The following DISC1 variants were observed in gnomAD, a reference collection of about 807,000 sequenced individuals.
DISC1 encodes disrupted in schizophrenia 1 protein.
A neutral mutation model predicts 84.5 loss-of-function variants in DISC1; 57 were observed. The observed-to-expected ratio is 0.67, with a 90% CI of 0.55 to 0.84. The LOEUF is 0.84. DISC1 is among the 40% of genes least tolerant of loss of function. The pLI, the probability that DISC1 is intolerant of heterozygous loss-of-function variation, is 0.00. For missense variants in DISC1, 1,000 were observed against 1,057.8 expected, an observed-to-expected ratio of 0.95 and a Z score of 0.76; for synonymous variants, 411 against 415.2, an observed-to-expected ratio of 0.99 and a Z score of 0.12.
At chr1:231,673,681 A>G (rs375510515) in intron 1 of DISC1, among the ~76,000 whole-genome samples, 137 of 152,332 alleles carry the variant, frequency 9.0e-4, no homozygotes, top group African/African-American at 3.2e-3. Flanking sequence ...ACTTGGAAAG[A>G]TTTGAAGAAC....
At chr1:231,670,327 C>A (rs1362185320) in intron 1 of DISC1, among the ~76,000 whole-genome samples, 2 of 152,128 alleles carry the variant, frequency 1.3e-5, no homozygotes, top group Admixed American at 6.5e-5. Flanking sequence ...AGTTTACCTA[C>A]ATGCCCCTGA....
At position 231,693,862 on chromosome 1, in the gene DISC1, G is replaced by T; in HGVS notation, c.104G>T (p.Arg35Leu). The change falls in exon 2 of 13, where the codon CGG becomes CTG. Residue 35 changes from arginine (R) to leucine (L), a missense_variant. Physicochemically the swap from Arg to Leu is moderately radical, Grantham distance 102 (BLOSUM62 -2). Transcript: ENST00000439617. ...TGCTTACCACCTGCAGCGTGCTTTC[G>T]GAGGCGGCGGCTGGCACGGAGGCCG... Reference protein sequence around the residue: ...RDCLPPAACFRRRRLARRPGY... With the variant: ...RDCLPPAACFLRRRLARRPGY... 1 of 1,613,954 alleles carries T rather than the reference G, an allele frequency of 6.2e-7. No individual in the cohort carries two copies. Among genetic ancestry groups the T allele is most frequent in the Non-Finnish European group, 8.5e-7 (1 of 1,180,014 alleles).
At chr1:231,727,812 G>T (rs2070942013) in intron 3 of DISC1, among the ~76,000 whole-genome samples, 1 of 151,924 alleles carries the variant, frequency 6.6e-6, no homozygotes, top group Admixed American at 6.6e-5. Context: ...GCCTGGTGTG[G>T]TGGTGGGTCA....
At position 231,782,881 on chromosome 1, in the gene DISC1, G is replaced by T. The variant is rs148036493; in HGVS notation, c.1634+11811G>T. On this transcript the variant is annotated intron_variant, in intron 6 of 12. Coordinates refer to ENST00000439617, the MANE Select transcript of DISC1 (RefSeq NM_018662.3). ...CACTTGAACATGGGAGGTGGAGGTT[G>T]CAGTGAGTGGAGATCGTGTCACTCT... Among the ~76,000 whole-genome samples the T allele has an allele frequency of 4.6e-3, 708 of 152,266 alleles. 4 individuals carry two copies. The highest frequency in any genetic ancestry group is 0.017 in the African/African-American group (694 of 41,542).
At chr1:231,901,340 T>G (rs16855577) in intron 9 of DISC1, among the ~76,000 whole-genome samples, 2,407 of 152,326 alleles carry the variant, frequency 0.016, 76 homozygotes, top group African/African-American at 0.056. Context: ...AATTTAATTT[T>G]AGAACATTCT....
intron 1 of DISC1, among the ~76,000 whole-genome samples, chr1:231,659,857 T>C (rs2061429953): frequency 6.6e-6 from 1 of 152,202 alleles, no homozygotes; most frequent in African/African-American, 2.4e-5. Flanking sequence ...TGATTTCAGC[T>C]CTTTTGCATT....
intron 1 of DISC1, among the ~76,000 whole-genome samples, chr1:231,631,625 A>G (rs1465250330): frequency 2.0e-5 from 3 of 152,172 alleles, no homozygotes; most frequent in Admixed American, 2.0e-4. Flanking sequence ...AAGTAAAAAA[A>G]TAAAAATTAA....
At chr1:231,992,311 G>GT (rs1352525630) in intron 10 of DISC1, among the ~76,000 whole-genome samples, 3 of 151,850 alleles carry the variant, frequency 2.0e-5, no homozygotes, top group Non-Finnish European at 4.4e-5. Context: ...TGATTGGCTG[G>GT]TTTTTTTTCT....
intron 9 of DISC1, chr1:231,854,707 C>G (rs1465466303): frequency 5.8e-6 from 1 of 171,292 alleles, no homozygotes; most frequent in Non-Finnish European, 1.2e-5. Context: ...AACTAAGGAA[C>G]TAAAATAATT....
intron 6 of DISC1, among the ~76,000 whole-genome samples, chr1:231,780,476 G>T (rs2077331853): frequency 1.3e-5 from 2 of 149,482 alleles, no homozygotes; most frequent in Admixed American, 6.7e-5. Context: ...TCTCACACCA[G>T]TTAGAATGGC....
intron 9 of DISC1, among the ~76,000 whole-genome samples, chr1:231,877,467 C>T (rs952671916): frequency 6.6e-6 from 1 of 152,156 alleles, no homozygotes; most frequent in Non-Finnish European, 1.5e-5. Context: ...GTATTTTTAT[C>T]TTGTTGGCAG....
intron 3 of DISC1, among the ~76,000 whole-genome samples, chr1:231,703,180 G>A (rs1022830735): frequency 2.6e-5 from 4 of 152,164 alleles, no homozygotes; most frequent in Admixed American, 6.5e-5. Flanking sequence ...AGAAAGTCAC[G>A]GGGCATGGGA....
intron 9 of DISC1, among the ~76,000 whole-genome samples, chr1:231,827,526 T>C (rs1236910368): frequency 6.6e-6 from 1 of 152,350 alleles, no homozygotes; most frequent in African/African-American, 2.4e-5. Context: ...TTTAGCTGTG[T>C]ACTTTTTCTT....
intron 3 of DISC1, among the ~76,000 whole-genome samples, chr1:231,729,487 C>G (rs2071226930): frequency 6.6e-6 from 1 of 152,170 alleles, no homozygotes; most frequent in Non-Finnish European, 1.5e-5. Context: ...ATTAGTTATT[C>G]TTATCACTGG....
At chr1:231,838,519 A>G (rs1045758473) in intron 9 of DISC1, among the ~76,000 whole-genome samples, 8 of 152,242 alleles carry the variant, frequency 5.3e-5, no homozygotes, top group Non-Finnish European at 7.3e-5. Context: ...AGGAAGGAGA[A>G]CAACTGTAGC....
intron 1 of DISC1, among the ~76,000 whole-genome samples, chr1:231,627,731 G>A (rs927063471): frequency 1.3e-5 from 2 of 152,238 alleles, no homozygotes; most frequent in African/African-American, 2.4e-5. Flanking sequence ...TGAGGACAGG[G>A]CTGGGTCAGT....
intron 3 of DISC1, among the ~76,000 whole-genome samples, chr1:231,729,294 A>G (rs1302346949): frequency 1.3e-5 from 2 of 152,258 alleles, no homozygotes; most frequent in African/African-American, 4.8e-5. Flanking sequence ...TAGTGCCGCA[A>G]TAAACATACG....
chr1:231,787,953 C>T (rs1465362389), intron 6 of DISC1, among the ~76,000 whole-genome samples: 2 of 152,300 alleles, frequency 1.3e-5, no homozygotes, highest in Admixed American at 6.5e-5. Flanking sequence ...GCACCACAGC[C>T]ACCTGGCTTA....
chr1:232,020,996 G>A (rs1668903828), intron 11 of DISC1, among the ~76,000 whole-genome samples: 1 of 152,238 alleles, frequency 6.6e-6, no homozygotes, highest in Admixed American at 6.5e-5. Context: ...GCTTCCTGCA[G>A]AGACTATGCC....
Sources: gnomAD v4.1 joint callset for allele counts (sites outside exome capture counted in the v4.1 genomes callset) on GRCh38, gnomAD v4.1.1 for gene constraint, MANE v1.5 for transcripts, NCBI Gene and HGNC (gene_info 2026-07-23, HGNC 2026-07-21) for gene names.